Variants in GALNT13 observed in about 807,000 individuals in gnomAD.
GALNT13 encodes the protein UDP-GalNAc:polypeptide N-acetylgalactosaminyltransferase 13.
GALNT13 carries 28 observed loss-of-function variants against 64.2 expected under a neutral mutation model. That is an observed-to-expected ratio of 0.44 (90% CI 0.32 to 0.60). GALNT13 has a LOEUF of 0.60. Ranked by LOEUF, GALNT13 falls within the 20% of genes least tolerant of loss-of-function variation. GALNT13 has a pLI of 0.05. For missense variants in GALNT13, 577 were observed against 669.8 expected (o/e 0.86, Z 1.53); for synonymous variants, 214 against 224.6 (o/e 0.95, Z 0.42).
At chr2:154,391,229 C>T (rs1353475725) in intron 9 of GALNT13, among the ~76,000 whole-genome samples, 1 of 152,058 alleles carries the variant, frequency 6.6e-6, no homozygotes, top group African/African-American at 2.4e-5. Flanking sequence ...TTCTAATAGC[C>T]CTAGTGTATT....
the GALNT13 span, among the ~76,000 whole-genome samples, chr2:153,512,025 A>G: frequency 1.3e-5 from 2 of 152,148 alleles, no homozygotes; most frequent in African/African-American, 2.4e-5. Flanking sequence ...ATGACCTACA[A>G]TGTAACCATG....
chr2:154,152,027 A>G (rs898967455), intron 4 of GALNT13, among the ~76,000 whole-genome samples: 87 of 152,204 alleles, frequency 5.7e-4, no homozygotes, highest in African/African-American at 1.9e-3. Flanking sequence ...TCCTAGCCTC[A>G]ATGGTCTTTA....
chr2:153,518,772 T>C, the GALNT13 span, among the ~76,000 whole-genome samples: 1 of 152,174 alleles, frequency 6.6e-6, no homozygotes, highest in Non-Finnish European at 1.5e-5. Flanking sequence ...AGTGGGTTCC[T>C]AGAACAATAA....
At chr2:154,411,698 G>A (rs1574258212) in intron 11 of GALNT13, among the ~76,000 whole-genome samples, 1 of 151,752 alleles carries the variant, frequency 6.6e-6, no homozygotes, top group Non-Finnish European at 1.5e-5. Flanking sequence ...AAAGAAGACT[G>A]AGTTGGAAAA....
the GALNT13 span, among the ~76,000 whole-genome samples, chr2:153,794,787 G>A: frequency 6.6e-6 from 1 of 152,124 alleles, no homozygotes; most frequent in Non-Finnish European, 1.5e-5. Context: ...CCAAAGTGCT[G>A]GGATTACAGG....
intron 3 of GALNT13, among the ~76,000 whole-genome samples, chr2:154,005,528 G>A (rs1052162824): frequency 6.6e-6 from 1 of 152,078 alleles, no homozygotes; most frequent in Admixed American, 6.6e-5. Context: ...ACCATAATGT[G>A]GAAATGAGAA....
chr2:153,436,723 T>C, the GALNT13 span, among the ~76,000 whole-genome samples: 1 of 152,198 alleles, frequency 6.6e-6, no homozygotes, highest in Non-Finnish European at 1.5e-5. Context: ...CTCTCTTTTC[T>C]TTATTAGTCT....
chr2:153,082,573 T>A, the GALNT13 span, among the ~76,000 whole-genome samples: 676 of 40,546 alleles, frequency 0.017, 35 homozygotes, highest in African/African-American at 0.07. Context: ...TTAGGCTGGT[T>A]TATATATATA....
intron 3 of GALNT13, among the ~76,000 whole-genome samples, chr2:154,016,835 T>C (rs900297107): frequency 1.3e-5 from 2 of 152,176 alleles, no homozygotes; most frequent in African/African-American, 4.8e-5. Context: ...AATAATTGAA[T>C]GTTAAAAGGT....
the GALNT13 span, among the ~76,000 whole-genome samples, chr2:153,229,233 T>G: frequency 6.6e-6 from 1 of 152,174 alleles, no homozygotes; most frequent in Non-Finnish European, 1.5e-5. Context: ...CTCTCTCACC[T>G]TTTTTCTTCA....
At chr2:153,526,331 A>G in the GALNT13 span, among the ~76,000 whole-genome samples, 1 of 152,248 alleles carries the variant, frequency 6.6e-6, no homozygotes, top group African/African-American at 2.4e-5. Flanking sequence ...ATCCACACCC[A>G]GCTTCAGGTG....
the GALNT13 span, among the ~76,000 whole-genome samples, chr2:153,851,111 C>T: frequency 1.3e-5 from 2 of 152,050 alleles, no homozygotes; most frequent in Non-Finnish European, 2.9e-5. Flanking sequence ...TATACCATAA[C>T]TTATCATAAT....
chr2:153,688,994 GT>G, the GALNT13 span, among the ~76,000 whole-genome samples: 8 of 21,636 alleles, frequency 3.7e-4, no homozygotes, highest in Non-Finnish European at 7.4e-4. Context: ...AGGTAGGGGT[GT>G]GTGTGTGTGT....
intron 3 of GALNT13, among the ~76,000 whole-genome samples, chr2:154,092,549 GA>G (rs1390720197): frequency 6.6e-6 from 1 of 151,916 alleles, no homozygotes; most frequent in African/African-American, 2.4e-5. Context: ...TAATTAACTG[GA>G]AACTGTCACT....
intron 3 of GALNT13, among the ~76,000 whole-genome samples, chr2:153,985,076 A>G (rs936341848): frequency 1.4e-4 from 21 of 152,042 alleles, no homozygotes; most frequent in African/African-American, 5.1e-4. Context: ...GTGTTGTAAG[A>G]TCAACTACAA....
the GALNT13 span, among the ~76,000 whole-genome samples, chr2:153,684,899 G>A: frequency 2.0e-5 from 3 of 151,700 alleles, no homozygotes; most frequent in Non-Finnish European, 4.4e-5. Context: ...GTGTGAACAC[G>A]CAGGATTTGT....
the GALNT13 span, among the ~76,000 whole-genome samples, chr2:153,355,857 C>T: frequency 0.13 from 19,629 of 152,066 alleles, 1,373 homozygotes; most frequent in Non-Finnish European, 0.16. Flanking sequence ...TGTTATAAAA[C>T]GCATATTTTT....
chr2:154,355,315 T>C (rs546178030), intron 9 of GALNT13, among the ~76,000 whole-genome samples: 1 of 152,256 alleles, frequency 6.6e-6, no homozygotes, highest in East Asian at 1.9e-4. Flanking sequence ...AATATTTAGT[T>C]AAACCACATG....
the GALNT13 span, among the ~76,000 whole-genome samples, chr2:153,742,989 G>T: frequency 2.5e-5 from 3 of 120,278 alleles, no homozygotes; most frequent in African/African-American, 9.5e-5. Flanking sequence ...GGAGAAGTGG[G>T]GGGGGAGAGA....
Sources: gnomAD v4.1 joint callset for allele counts (sites outside exome capture counted in the v4.1 genomes callset) on GRCh38, gnomAD v4.1.1 for gene constraint, MANE v1.5 for transcripts, NCBI Gene and HGNC (gene_info 2026-07-23, HGNC 2026-07-21) for gene names.